MPPED2: variants seen among roughly 807,000 people sequenced by gnomAD.
MPPED2 encodes metallophosphoesterase MPPED2.
In MPPED2, 5 loss-of-function variants were observed where a neutral mutation model predicts 33.0. That is an observed-to-expected ratio of 0.15 (90% CI 0.08 to 0.32). The LOEUF is 0.32. Among genes scored for constraint, MPPED2 ranks in the 10% least tolerant of loss-of-function variants. The pLI, the probability that MPPED2 is intolerant of heterozygous loss-of-function variation, is 1.00. For missense variants in MPPED2, 275 were observed against 372.1 expected (o/e 0.74, Z 2.15); for synonymous variants, 136 against 141.9 (o/e 0.96, Z 0.29).
chr11:30,575,557 T>C (rs992984100), intron 2 of MPPED2, among the ~76,000 whole-genome samples: 8 of 152,224 alleles, frequency 5.3e-5, no homozygotes, highest in African/African-American at 1.9e-4. Flanking sequence ...CATGTGTATA[T>C]TGTCCTCATT....
chr11:30,482,238 C>CT (rs557511871), intron 4 of MPPED2, among the ~76,000 whole-genome samples: 240 of 152,272 alleles, frequency 1.6e-3, no homozygotes, highest in African/African-American at 5.1e-3. Context: ...TTTTTGTTTT[C>CT]TGACTATATT....
chr11:30,501,122 GCA>G (rs1295685340), intron 3 of MPPED2, among the ~76,000 whole-genome samples: 1 of 152,102 alleles, frequency 6.6e-6, no homozygotes, highest in African/African-American at 2.4e-5. Context: ...TAAACAACCT[GCA>G]CAGTTTCTGA....
In MPPED2 at chr11:30,414,361, A is replaced by G. The variant is rs1439076766; in HGVS notation, c.653-20T>C. The G allele has an allele frequency of 6.9e-7, 1 of 1,455,398 alleles. No homozygotes were observed. The highest frequency in any genetic ancestry group is 9.7e-7 in the Non-Finnish European group (1 of 1,035,358). 90.2% of individuals were successfully genotyped at this position (1,455,398 alleles called of 1,614,324 possible). A position where few individuals can be genotyped will look rare whatever the true frequency, so the allele number is the denominator to read the frequency against. The stretch of plus-strand genomic sequence containing the variant: ...GAAAACCTAAGGGCAAAATGCAATC[A>G]ATACACTTAATTTTCTTTCTTCAGG... On this transcript the variant is annotated intron_variant, in intron 5 of 6. Coordinates refer to ENST00000358117, the MANE Select transcript of MPPED2 (RefSeq NM_001584.3).
chr11:30,502,861 G>A (rs189115560), intron 3 of MPPED2, among the ~76,000 whole-genome samples: 149 of 152,254 alleles, frequency 9.8e-4, no homozygotes, highest in South Asian at 1.9e-3. Context: ...ACAAGTTAAT[G>A]TTCCTCAAAA....
chr11:30,477,947 T>C (rs1403219036), intron 4 of MPPED2, among the ~76,000 whole-genome samples: 1 of 152,058 alleles, frequency 6.6e-6, no homozygotes, highest in Non-Finnish European at 1.5e-5. Context: ...CTCTCTTTTT[T>C]TCCCCTAGGA....
At chr11:30,449,973 T>C (rs1949981362) in intron 4 of MPPED2, among the ~76,000 whole-genome samples, 1 of 152,206 alleles carries the variant, frequency 6.6e-6, no homozygotes, top group South Asian at 2.1e-4. Context: ...TGTTCAATGG[T>C]ATAAGCCCCC....
chr11:30,442,162 G>C (rs1357271074), intron 4 of MPPED2, among the ~76,000 whole-genome samples: 4 of 152,190 alleles, frequency 2.6e-5, no homozygotes, highest in African/African-American at 9.7e-5. Context: ...AACTCCCAAA[G>C]ATGGCAGTTT....
chr11:30,547,248 G>A lies in MPPED2; in HGVS notation c.129-11073C>T, dbSNP rs114638193. Among the ~76,000 whole-genome samples, 135 of 152,302 alleles carry A rather than the reference G, an allele frequency of 8.9e-4. 1 individual carries two copies. The highest frequency in any genetic ancestry group is 3.1e-3 in the African/African-American group (129 of 41,566). ...TGTTGTGCTACAACAGGAGTGGCAT[G>A]TCCAGAACTCTTTCAACAGGGAAAA... is the stretch of plus-strand genomic sequence containing the variant. On this transcript the variant is annotated intron_variant, in intron 2 of 6. Transcript: ENST00000358117.
chr11:30,422,576 A>G (rs1948657465), intron 4 of MPPED2, among the ~76,000 whole-genome samples: 3 of 152,172 alleles, frequency 2.0e-5, no homozygotes, highest in Admixed American at 1.3e-4. Flanking sequence ...TCAGGGGTTC[A>G]CTGGAAAATA....
intron 2 of MPPED2, among the ~76,000 whole-genome samples, chr11:30,574,735 A>C (rs1002847252): frequency 6.6e-6 from 1 of 152,236 alleles, no homozygotes; most frequent in African/African-American, 2.4e-5. Flanking sequence ...ATTACAGGCC[A>C]GGCATAAGGA....
intron 4 of MPPED2, among the ~76,000 whole-genome samples, chr11:30,493,149 C>T (rs1952061512): frequency 6.6e-6 from 1 of 151,984 alleles, no homozygotes; most frequent in Non-Finnish European, 1.5e-5. Flanking sequence ...TTTGGGAGGC[C>T]GAGGCGGGCG....
chr11:30,454,994 A>G (rs1402692187), intron 4 of MPPED2, among the ~76,000 whole-genome samples: 1 of 152,216 alleles, frequency 6.6e-6, no homozygotes, highest in Non-Finnish European at 1.5e-5. Flanking sequence ...ACACATTTAG[A>G]TCCTGCCTGG....
intron 6 of MPPED2, among the ~76,000 whole-genome samples, chr11:30,412,117 A>G (rs1333760654): frequency 6.6e-6 from 1 of 151,664 alleles, no homozygotes; most frequent in East Asian, 1.9e-4. Flanking sequence ...AGTCAACCAT[A>G]TATGATTTTT....
At chr11:30,536,455 T>TA (rs1397495572) in intron 2 of MPPED2, among the ~76,000 whole-genome samples, 2 of 152,190 alleles carry the variant, frequency 1.3e-5, no homozygotes, top group Non-Finnish European at 2.9e-5. Flanking sequence ...AGGAAACTGA[T>TA]AGAGTGATTA....
rs117492081 is a variant in MPPED2, at chr11:30,391,347, G to A, written c.767-2391C>T. Among the ~76,000 whole-genome samples the A allele has an allele frequency of 4.9e-3, 752 of 152,286 alleles. 2 individuals carry two copies. Among genetic ancestry groups the A allele is most frequent in the Non-Finnish European group, 7.9e-3 (537 of 68,032 alleles). On this transcript the variant is annotated intron_variant, in intron 6 of 6. Coordinates refer to the MPPED2 transcript ENST00000448418. The stretch of plus-strand genomic sequence containing the variant: ...TGCTCATACACTCTGTACTTTGGAC[G>A]TGATTGTAGACCAGCCCTCAGGTTC...
At chr11:30,520,535 G>A (rs937070840) in intron 3 of MPPED2, among the ~76,000 whole-genome samples, 7 of 152,080 alleles carry the variant, frequency 4.6e-5, no homozygotes, top group Admixed American at 4.6e-4. Context: ...CCTATCTTTG[G>A]TTAATGTTTT....
At chr11:30,562,211 CA>C (rs1956267447) in intron 2 of MPPED2, among the ~76,000 whole-genome samples, 1 of 152,118 alleles carries the variant, frequency 6.6e-6, no homozygotes, top group African/African-American at 2.4e-5. Context: ...CACAACCAAG[CA>C]AAAATGCAAT....
In MPPED2 at chr11:30,551,432, A is replaced by G. The variant is rs551438391; in HGVS notation, c.129-15257T>C. On this transcript the variant is annotated intron_variant, in intron 2 of 6. Coordinates refer to ENST00000358117, the MANE Select transcript of MPPED2 (RefSeq NM_001584.3). ...CTTACCTATAGTCCCTCCCTGTCCA[A>G]TGCTTTTGTCTACACAAACTCAATG... Among the ~76,000 whole-genome samples, 5 of 152,300 alleles carry G rather than the reference A, an allele frequency of 3.3e-5. No homozygotes were observed. The East Asian group carries it at 9.6e-4, about 29-fold the overall frequency.
intron 2 of MPPED2, among the ~76,000 whole-genome samples, chr11:30,574,872 C>G (rs1956857007): frequency 6.6e-6 from 1 of 152,042 alleles, no homozygotes; most frequent in Non-Finnish European, 1.5e-5. Context: ...GGTCCTTATC[C>G]AACACTCCCT....
Sources: gnomAD v4.1 joint callset for allele counts (sites outside exome capture counted in the v4.1 genomes callset) on GRCh38, gnomAD v4.1.1 for gene constraint, MANE v1.5 for transcripts, NCBI Gene and HGNC (gene_info 2026-07-23, HGNC 2026-07-21) for gene names.